Variants in EVC2 observed in about 807,000 individuals in gnomAD.
The protein encoded by EVC2 is EvC ciliary complex subunit 2.
EVC2 carries 148 observed loss-of-function variants against 149.3 expected under a neutral mutation model. The ratio of observed to expected loss-of-function variants is 0.99; its 90% CI spans 0.87 to 1.14. The LOEUF is 1.14. EVC2 is among the 50% of genes most tolerant of loss of function. The probability of loss-of-function intolerance (pLI) is 0.00; values close to 1 mark genes in which losing one functional copy is unlikely to be tolerated. For missense variants in EVC2, 1,854 were observed against 1,627.3 expected (o/e 1.14, Z -2.40); for synonymous variants, 776 against 649.9 (o/e 1.19, Z -2.95).
In EVC2 at chr4:5,587,315, T is replaced by A. The variant is rs538269959; in HGVS notation, c.2830-2465A>T. On this transcript the variant is annotated intron_variant, in intron 16 of 21. Coordinates refer to ENST00000344408, the MANE Select transcript of EVC2 (RefSeq NM_147127.5). ...TTGGCAACTACCAATCTTCTGTTTC[T>A]ATGATTTTCCTTATTCCGGATATTT... is the stretch of plus-strand genomic sequence containing the variant. Among the ~76,000 whole-genome samples the A allele has an allele frequency of 3.3e-5, 5 of 152,356 alleles. No homozygotes were observed. In the South Asian group the frequency reaches 1.0e-3, roughly 32 times the overall value.
intron 16 of EVC2, among the ~76,000 whole-genome samples, chr4:5,602,291 TA>T (rs571933194): frequency 0.093 from 7,627 of 81,624 alleles, 416 homozygotes; most frequent in African/African-American, 0.23. Context: ...CATTGCCTCT[TA>T]AAAAAAAAAA....
At chr4:5,596,690 G>C (rs574493128) in intron 16 of EVC2, among the ~76,000 whole-genome samples, 41 of 152,226 alleles carry the variant, frequency 2.7e-4, no homozygotes, top group African/African-American at 8.9e-4. Context: ...ACATTCAAAA[G>C]CTAGCAGAAG....
At chr4:5,631,746 C>T (rs1473410433) in intron 11 of EVC2, 47 bp downstream of exon 11, 1 of 1,609,452 alleles carries the variant, frequency 6.2e-7, no homozygotes, top group South Asian at 1.1e-5. Context: ...TTTACTGAAA[C>T]AATTCAGAAA....
chr4:5,665,757 CGCT>C, intron 7 of EVC2, 108 bp from the exon 8 acceptor site: 2 of 1,515,832 alleles, frequency 1.3e-6, no homozygotes, highest in South Asian at 2.4e-5. Context: ...CCAGGGGACT[CGCT>C]TGCATTTGAG....
chr4:5,625,766 G>T lies in EVC2; in HGVS notation c.2029C>A (p.Arg677=), dbSNP rs73198165. 9,701 of 1,614,028 alleles carry T rather than the reference G, an allele frequency of 6.0e-3. 35 individuals carry two copies. The highest frequency in any genetic ancestry group is 7.5e-3 in the Non-Finnish European group (8,846 of 1,179,992). ...LHQKLITKRR[R]ELLQKHREQR... ...TTATATACCTTTTGTAGCAACTCTC[G>T]TCTTCTCTTAGTTATTAATTTTTGG... Residue 677 remains arginine (R), a synonymous_variant, in exon 13 of 22, where the codon CGA becomes AGA. Coordinates refer to ENST00000344408, the MANE Select transcript of EVC2 (RefSeq NM_147127.5). The surrounding 1 kb of genome is among the most constrained non-coding windows in gnomAD (Gnocchi z 4.0).
chr4:5,708,753 A>G (rs1722387389), upstream of EVC2: 1 of 424,340 alleles, frequency 2.4e-6, no homozygotes, highest in Non-Finnish European at 4.1e-6. Context: ...GCTTGCGCCC[A>G]AACCGAATCA....
At chr4:5,546,321 CCAA>C (rs1721621546) in intron 21 of EVC2, among the ~76,000 whole-genome samples, 1 of 152,226 alleles carries the variant, frequency 6.6e-6, no homozygotes, top group Admixed American at 6.5e-5. Context: ...ACCTAAATGT[CCAA>C]CAACGATAGA....
At chr4:5,705,524 T>C (rs1332645852) in intron 1 of EVC2, among the ~76,000 whole-genome samples, 5 of 146,444 alleles carry the variant, frequency 3.4e-5, no homozygotes, top group African/African-American at 1.2e-4. Flanking sequence ...TGCCATTGCA[T>C]ATTAACATAA....
At chr4:5,692,709 T>C (rs1721195580) in intron 3 of EVC2, among the ~76,000 whole-genome samples, 2 of 147,580 alleles carry the variant, frequency 1.4e-5, no homozygotes, top group South Asian at 4.4e-4. Flanking sequence ...CTACTAAAAA[T>C]ACAAAAAATT....
chr4:5,555,334 G>C (rs1172783396), intron 21 of EVC2, among the ~76,000 whole-genome samples: 1 of 152,098 alleles, frequency 6.6e-6, no homozygotes, highest in Non-Finnish European at 1.5e-5. Flanking sequence ...AATGTGAATG[G>C]ACTAAAAACA....
intron 9 of EVC2, among the ~76,000 whole-genome samples, chr4:5,654,548 A>G (rs774365853): frequency 6.6e-6 from 1 of 152,056 alleles, no homozygotes. Context: ...GTTTCCTCCA[A>G]TCTTTGGTGG....
intron 4 of EVC2, 140 bp from the exon 5 acceptor site, chr4:5,689,483 A>G: frequency 1.2e-6 from 1 of 822,940 alleles, no homozygotes. Context: ...CTGGGAATTT[A>G]TCAGTCTCAG....
In EVC2 at chr4:5,567,769, C is replaced by G. The variant is rs995262965; in HGVS notation, c.3557+675G>C. Among the ~76,000 whole-genome samples the G allele has an allele frequency of 2.0e-5, 3 of 152,168 alleles. No individual in the cohort carries two copies. The highest frequency in any genetic ancestry group is 2.9e-5 in the Non-Finnish European group (2 of 68,022). The stretch of plus-strand genomic sequence containing the variant: ...CAAGTGACGGGATGACAGTTACATG[C>G]TCTATGCTACACCCCTTAGCATGAG... On this transcript the variant is annotated intron_variant, in intron 20 of 21. Transcript: ENST00000344408. The surrounding 1 kb of genome is among the most constrained non-coding windows in gnomAD (Gnocchi z 4.4).
At chr4:5,555,100 C>A (rs1253185854) in intron 21 of EVC2, among the ~76,000 whole-genome samples, 1 of 150,770 alleles carries the variant, frequency 6.6e-6, no homozygotes, top group Non-Finnish European at 1.5e-5. Context: ...AGTAGAAGGT[C>A]AATATATAAA....
intron 17 of EVC2, among the ~76,000 whole-genome samples, chr4:5,580,280 T>G (rs1416878424): frequency 2.0e-5 from 3 of 152,250 alleles, no homozygotes; most frequent in African/African-American, 7.2e-5. Flanking sequence ...CAAACTCAAA[T>G]AAGAGTGTAT....
chr4:5,660,452 C>T (rs1036352366), intron 9 of EVC2, among the ~76,000 whole-genome samples: 1 of 152,216 alleles, frequency 6.6e-6, no homozygotes, highest in African/African-American at 2.4e-5. Flanking sequence ...TGAGCCAGAG[C>T]TGTTTCTGGT....
At chr4:5,555,642 A>T (rs1184884119) in intron 21 of EVC2, among the ~76,000 whole-genome samples, 1 of 152,312 alleles carries the variant, frequency 6.6e-6, no homozygotes, top group East Asian at 1.9e-4. Flanking sequence ...AAATATACAC[A>T]ATATTTTTTA....
At chr4:5,566,684 A>C (rs1286471228) in intron 20 of EVC2, among the ~76,000 whole-genome samples, 1 of 152,114 alleles carries the variant, frequency 6.6e-6, no homozygotes, top group African/African-American at 2.4e-5. Flanking sequence ...TGGGCAAAGA[A>C]AGGCCATGCT....
intron 7 of EVC2, among the ~76,000 whole-genome samples, chr4:5,669,429 A>G (rs1577230937): frequency 6.6e-6 from 1 of 152,358 alleles, no homozygotes; most frequent in Middle Eastern, 3.4e-3. Flanking sequence ...CTGGACTCCA[A>G]TGTCTACGTT....
Sources: allele counts gnomAD v4.1 joint callset (sites outside exome capture counted in the v4.1 genomes callset), GRCh38; gene constraint gnomAD v4.1.1; non-coding constraint Gnocchi (gnomAD v3.1); transcripts MANE v1.5; gene names NCBI Gene and HGNC (gene_info 2026-07-23, HGNC 2026-07-21).